Variants in RNF217 observed in about 807,000 individuals in gnomAD.
The protein encoded by RNF217 is E3 ubiquitin-protein ligase RNF217.
Under a neutral mutation model 57.8 loss-of-function variants are expected in RNF217, and 31 were observed. That is an observed-to-expected ratio of 0.54 (90% confidence interval 0.40 to 0.72). RNF217 has a LOEUF of 0.72. Ranked by LOEUF, RNF217 falls within the 30% of genes least tolerant of loss-of-function variation. RNF217 has a pLI of 0.00. For missense variants in RNF217, 696 were observed against 708.3 expected (o/e 0.98, Z 0.20); for synonymous variants, 313 against 294.0 (o/e 1.06, Z -0.66).
At chr6:124,983,733 G>T (rs1784261374) in intron 1 of RNF217, among the ~76,000 whole-genome samples, 1 of 152,086 alleles carries the variant, frequency 6.6e-6, no homozygotes, top group South Asian at 2.1e-4. Context: ...AGATGATTTG[G>T]GTTTAATCTT....
chr6:125,037,921 A>G (rs1582738763), intron 1 of RNF217, among the ~76,000 whole-genome samples: 2 of 152,210 alleles, frequency 1.3e-5, no homozygotes, highest in East Asian at 1.9e-4. Flanking sequence ...GATCAGAGTC[A>G]TAAACTACAC....
At chr6:124,978,308 G>A (rs1784040654) in intron 1 of RNF217, among the ~76,000 whole-genome samples, 1 of 151,880 alleles carries the variant, frequency 6.6e-6, no homozygotes, top group Non-Finnish European at 1.5e-5. Context: ...TGCTCCACCT[G>A]CTTAGCCCGG....
intron 1 of RNF217, among the ~76,000 whole-genome samples, chr6:125,034,469 T>G (rs1786513542): frequency 6.6e-6 from 1 of 152,198 alleles, no homozygotes; most frequent in Admixed American, 6.5e-5. Flanking sequence ...TCCCCATTGC[T>G]TGTTTTTGTC....
In RNF217 at chr6:125,086,649, AAG is replaced by A. The variant is rs1233529692; in HGVS notation, c.*3717_*3718del. On this transcript the variant is annotated 3_prime_UTR_variant, in exon 6 of 6. Coordinates refer to ENST00000521654, the MANE Select transcript of RNF217 (RefSeq NM_001286398.3). Reference sequence around the variant, plus strand: ...GAATAATTTATATATGTGGAGTAAGAAGAGAGGGGTCAAACCTTTTGGTACAA... The same window carrying A: ...GAATAATTTATATATGTGGAGTAAGAAGAGGGGTCAAACCTTTTGGTACAA... The A allele has an allele frequency of 1.3e-5, 2 of 152,100 alleles. No individual in the cohort carries two copies. The highest frequency in any genetic ancestry group is 4.8e-5 in the African/African-American group (2 of 41,432). 9.4% of individuals were successfully genotyped at this position (152,100 alleles called of 1,614,324 possible). A position where few individuals can be genotyped will look rare whatever the true frequency, so the allele number is the denominator to read the frequency against.
At position 125,050,433 on chromosome 6, in the gene RNF217, G is replaced by T. The variant is rs538978431; in HGVS notation, c.1116+4989G>T. On this transcript the variant is annotated intron_variant, in intron 2 of 5. Transcript: ENST00000521654. ...AATTCCCTGGAGAAACTCTGTCTGT[G>T]TGCTTACCTTATCTCTCTAGCTGTC... is the stretch of plus-strand genomic sequence containing the variant. Among the ~76,000 whole-genome samples, 6 of 152,010 alleles carry T rather than the reference G, an allele frequency of 3.9e-5. 1 individual carries two copies. In the South Asian group the frequency reaches 6.2e-4, roughly 16 times the overall value.
chr6:125,053,286 G>A (rs1390909534), intron 2 of RNF217, among the ~76,000 whole-genome samples: 1 of 152,044 alleles, frequency 6.6e-6, no homozygotes, highest in East Asian at 1.9e-4. Flanking sequence ...TTAAGGACAA[G>A]TATTTTCATT....
At chr6:125,032,668 G>A (rs1463702414) in intron 1 of RNF217, among the ~76,000 whole-genome samples, 1 of 152,092 alleles carries the variant, frequency 6.6e-6, no homozygotes, top group Non-Finnish European at 1.5e-5. Context: ...GAGGACAGTT[G>A]TAAGAGATAA....
chr6:125,073,941 G>A (rs1788249053), intron 3 of RNF217, among the ~76,000 whole-genome samples: 1 of 152,162 alleles, frequency 6.6e-6, no homozygotes, highest in Non-Finnish European at 1.5e-5. Context: ...TGACACTTGG[G>A]AGAGGTAAAG....
chr6:125,000,509 AATT>A lies in RNF217; in HGVS notation c.882+37090_882+37092del, dbSNP rs554875379. The stretch of plus-strand genomic sequence containing the variant: ...ATGATATAATATTCTATAAAGAAAA[AATT>A]ATTATTTTTTGAAAACAACTACTGA... On this transcript the variant is annotated intron_variant, in intron 1 of 5. Coordinates refer to ENST00000521654, the MANE Select transcript of RNF217 (RefSeq NM_001286398.3). 1.1e-4 allele frequency among the ~76,000 whole-genome samples: 16 copies of A among 152,090 alleles called. No homozygotes were observed. The South Asian group carries it at 1.9e-3, about 18-fold the overall frequency.
In RNF217 at chr6:124,984,501, A is replaced by G. The variant is rs142743736; in HGVS notation, c.882+21075A>G. On this transcript the variant is annotated intron_variant, in intron 1 of 5. Coordinates refer to ENST00000521654, the MANE Select transcript of RNF217 (RefSeq NM_001286398.3). ...GAGGTCAAGGCTGCAGTGCGTTGTG[A>G]TCACACCTCCAGCCTGGACAACAGA... Among the ~76,000 whole-genome samples the G allele has an allele frequency of 9.7e-4, 146 of 150,166 alleles. 1 individual carries two copies. The East Asian group carries it at 0.026, about 27-fold the overall frequency.
At chr6:125,033,765 G>A (rs1373545377) in intron 1 of RNF217, among the ~76,000 whole-genome samples, 2 of 151,862 alleles carry the variant, frequency 1.3e-5, no homozygotes, top group Non-Finnish European at 2.9e-5. Flanking sequence ...CTGAGGAATC[G>A]CCACACTGAC....
In RNF217 at chr6:125,086,406, G is replaced by A. The variant is rs1209633992; in HGVS notation, c.*3469G>A. 3 of 151,860 alleles carry A rather than the reference G, an allele frequency of 2.0e-5. No individual in the cohort carries two copies. The highest frequency in any genetic ancestry group is 7.3e-5 in the African/African-American group (3 of 41,366). The allele number at this position is 151,860 out of a possible 1,614,324, so 9.4% of individuals were successfully genotyped here. A position where few individuals can be genotyped will look rare whatever the true frequency, so the allele number is the denominator to read the frequency against. Reference sequence around the variant, plus strand: ...GATTGCCTCATTTTAAAACTTGAGGGATTTAAATCAAATACCCAAGCCAAA... The same window carrying A: ...GATTGCCTCATTTTAAAACTTGAGGAATTTAAATCAAATACCCAAGCCAAA... On this transcript the variant is annotated 3_prime_UTR_variant, in exon 6 of 6. Coordinates refer to ENST00000521654, the MANE Select transcript of RNF217 (RefSeq NM_001286398.3).
intron 3 of RNF217, among the ~76,000 whole-genome samples, chr6:125,072,060 A>G (rs6912067): frequency 0.43 from 65,541 of 152,066 alleles, 14,627 homozygotes; most frequent in Middle Eastern, 0.52. Context: ...TTTAAAAACA[A>G]AGATGACACT....
At chr6:125,029,728 A>G (rs1260252212) in intron 1 of RNF217, among the ~76,000 whole-genome samples, 1 of 152,228 alleles carries the variant, frequency 6.6e-6, no homozygotes, top group Non-Finnish European at 1.5e-5. Context: ...TGCAGTTATT[A>G]TCATAAGAAA....
intron 2 of RNF217, among the ~76,000 whole-genome samples, chr6:125,055,300 C>G (rs1241238019): frequency 6.6e-6 from 1 of 152,140 alleles, no homozygotes; most frequent in Non-Finnish European, 1.5e-5. Flanking sequence ...GTCACAGTTT[C>G]CCACTAAGTC....
intron 1 of RNF217, among the ~76,000 whole-genome samples, chr6:125,026,780 C>T (rs1288939422): frequency 6.6e-6 from 1 of 151,956 alleles, no homozygotes; most frequent in Non-Finnish European, 1.5e-5. Context: ...CTGTGGAAGA[C>T]AAGTGGGGTG....
At chr6:125,079,727 C>T (rs1476687465) in intron 4 of RNF217, among the ~76,000 whole-genome samples, 3 of 151,846 alleles carry the variant, frequency 2.0e-5, no homozygotes, top group Non-Finnish European at 4.4e-5. Flanking sequence ...CATTTTAAAA[C>T]ATGATAAATC....
intron 4 of RNF217, 73 bp from the exon 5 acceptor site, chr6:125,081,362 TA>T: frequency 9.0e-7 from 1 of 1,113,902 alleles, no homozygotes. Context: ...CTGTGGTATT[TA>T]AAAAGCATCA....
In RNF217 at chr6:125,091,449, G is replaced by A. The variant is rs1309681187; in HGVS notation, c.*8512G>A. On this transcript the variant is annotated 3_prime_UTR_variant, in exon 6 of 6. Coordinates refer to ENST00000521654, the MANE Select transcript of RNF217 (RefSeq NM_001286398.3). ...ATATCTTTAGGGATGTATATAGGCT[G>A]CGTTTGCTACCTTAATCTACTGTAT... 1 of 152,038 alleles carries A rather than the reference G, an allele frequency of 6.6e-6. No individual in the cohort carries two copies. The highest frequency in any genetic ancestry group is 1.5e-5 in the Non-Finnish European group (1 of 67,968). 9.4% of individuals were successfully genotyped at this position (152,038 alleles called of 1,614,324 possible).
Sources: gnomAD v4.1 joint callset for allele counts (sites outside exome capture counted in the v4.1 genomes callset) on GRCh38, gnomAD v4.1.1 for gene constraint, MANE v1.5 for transcripts, NCBI Gene and HGNC (gene_info 2026-07-23, HGNC 2026-07-21) for gene names.